LIPK: variants seen among roughly 807,000 people sequenced by gnomAD.
LIPK encodes the protein lipase family member K.
In LIPK, 32 loss-of-function variants were observed where a neutral mutation model predicts 48.6. The observed-to-expected ratio is 0.66, with a 90% CI of 0.50 to 0.88. The LOEUF (loss-of-function observed/expected upper bound fraction) is 0.88, where lower values mean the gene tolerates loss of function less well. Among genes scored for constraint, LIPK ranks in the 40% least tolerant of loss-of-function variants. The probability of loss-of-function intolerance (pLI) is 0.00; values close to 1 mark genes in which losing one functional copy is unlikely to be tolerated. For synonymous variants in LIPK, 164 were observed against 157.4 expected (o/e 1.04, Z -0.32); for missense variants, 507 against 478.5 (o/e 1.06, Z -0.56).
Position 88,737,542 on chromosome 10 carries a change from C to T in LIPK, c.670-93C>T. ...AGGACCAACACTGAGCAGATGTCAC[C>T]TAATACTGTGCAGTCCTTCTTTGAA... On this transcript the variant is annotated intron_variant, in intron 6 of 9. Coordinates refer to ENST00000404190, the MANE Select transcript of LIPK (RefSeq NM_001080518.2). 6.8e-6 allele frequency: 9 copies of T among 1,320,308 alleles called. No homozygotes were observed. In the Admixed American group the frequency reaches 7.4e-5, roughly 11 times the overall value. The allele number at this position is 1,320,308 out of a possible 1,614,324, so 81.8% of individuals were successfully genotyped here.
chr10:88,729,895 GAA>G (rs1245462254), intron 3 of LIPK, among the ~76,000 whole-genome samples: 3 of 152,150 alleles, frequency 2.0e-5, no homozygotes, highest in Non-Finnish European at 4.4e-5. Flanking sequence ...TAAAGCACAG[GAA>G]AAGTCTAGTC....
At chr10:88,707,939 T>C (rs1841965177) in intron 1 of LIPK, among the ~76,000 whole-genome samples, 1 of 152,160 alleles carries the variant, frequency 6.6e-6, no homozygotes, top group Non-Finnish European at 1.5e-5. Context: ...TTATGAAGGA[T>C]GCTGAGGTAG....
At chr10:88,725,672 C>G (rs1011068569) in intron 2 of LIPK, among the ~76,000 whole-genome samples, 4 of 152,244 alleles carry the variant, frequency 2.6e-5, no homozygotes, top group Non-Finnish European at 4.4e-5. Context: ...GTTCTCTCAA[C>G]TGTAAATGGT....
rs529709755 is a variant in LIPK at position 88,713,313 on chromosome 10, T to C, written c.-12+6993T>C. On this transcript the variant is annotated intron_variant, in intron 1 of 9. Coordinates refer to ENST00000404190, the MANE Select transcript of LIPK (RefSeq NM_001080518.2). ...AAATCACTTTTTAAAGTCAACGCCA[T>C]ATAGTTATTTCCAATTGTTATTATA... Among the ~76,000 whole-genome samples, 3 of 152,326 alleles carry C rather than the reference T, an allele frequency of 2.0e-5. No individual in the cohort carries two copies. In the South Asian group the frequency reaches 6.2e-4, roughly 32 times the overall value.
At chr10:88,728,086 G>C (rs1842381316) in intron 3 of LIPK, 1 of 292,018 alleles carries the variant, frequency 3.4e-6, no homozygotes, top group Non-Finnish European at 6.9e-6. Flanking sequence ...TATAGAGATG[G>C]AGAATGAATT....
Position 88,748,041 on chromosome 10 carries a change from A to G in LIPK, c.961-4476A>G, listed in dbSNP as rs184127737. Among the ~76,000 whole-genome samples, 312 of 152,360 alleles carry G rather than the reference A, an allele frequency of 2.0e-3. 1 individual carries two copies. Among genetic ancestry groups the G allele is most frequent in the African/African-American group, 6.4e-3 (268 of 41,598 alleles). ...ATCAATAATAGACTGGATAAAGAAT[A>G]TGTGGTACATATGCACCATGGAATA... On this transcript the variant is annotated intron_variant, in intron 9 of 9. Coordinates refer to ENST00000404190, the MANE Select transcript of LIPK (RefSeq NM_001080518.2).
At chr10:88,729,652 G>A (rs1013444596) in intron 3 of LIPK, among the ~76,000 whole-genome samples, 4 of 152,184 alleles carry the variant, frequency 2.6e-5, no homozygotes, top group African/African-American at 9.7e-5. Flanking sequence ...GATCAAAGAG[G>A]CCTGATGGTA....
chr10:88,737,506 T>C (rs779047297), intron 6 of LIPK, 129 bp from the exon 7 acceptor site: 259 of 896,166 alleles, frequency 2.9e-4, no homozygotes, highest in Non-Finnish European at 4.1e-4. Context: ...ACAAGCCTCA[T>C]GATTTCACTA....
Position 88,708,822 on chromosome 10 carries a change from T to C in LIPK, c.-12+2502T>C, listed in dbSNP as rs1841979262. ...ATATTCCTACAAATATATTTTAATA[T>C]AACATATTTGTGTTATTATTTCTTT... On this transcript the variant is annotated intron_variant, in intron 1 of 9. Transcript: ENST00000404190. 2.0e-5 allele frequency among the ~76,000 whole-genome samples: 3 copies of C among 152,148 alleles called. No individual in the cohort carries two copies. In the South Asian group the frequency reaches 6.2e-4, roughly 31 times the overall value.
Position 88,741,761 on chromosome 10 carries a change from C to A in LIPK, c.889-1489C>A, listed in dbSNP as rs1406560477. On this transcript the variant is annotated intron_variant, in intron 8 of 9. Transcript: ENST00000404190. ...GTGCTACATGCTTTATAGGTGTTAACATAATCTTCACAATCCTAAGAAAGA... is the reference window on the plus strand; with the variant it reads ...GTGCTACATGCTTTATAGGTGTTAAAATAATCTTCACAATCCTAAGAAAGA... Among the ~76,000 whole-genome samples the A allele has an allele frequency of 2.0e-5, 3 of 152,222 alleles. No homozygotes were observed. In the South Asian group the frequency reaches 6.2e-4, roughly 32 times the overall value.
At position 88,740,000 on chromosome 10, in the gene LIPK, G is replaced by A. The variant is rs777771067; in HGVS notation, c.821G>A (p.Arg274His). The change falls in exon 8 of 10, where the codon CGC (arginine) becomes CAC (histidine). Residue 274 changes from arginine to histidine, a missense_variant. Physicochemically the swap from Arg to His is conservative, Grantham distance 29. Transcript: ENST00000404190. ...GFDPQNLNMSRLDVYLSHNPA... is the reference protein window; with the variant it reads ...GFDPQNLNMSHLDVYLSHNPA... ...TGAGAAGTAATCTCTTTGCAGAGTC[G>A]CTTGGATGTTTATTTGTCACACAAT... 19 of 1,610,786 alleles carry A rather than the reference G, an allele frequency of 1.2e-5. No homozygotes were observed. Among genetic ancestry groups the A allele is most frequent in the African/African-American group, 2.7e-5 (2 of 74,834 alleles).
At position 88,732,509 on chromosome 10, in the gene LIPK, T is replaced by TATGAAAAA; in HGVS notation, c.627_628insATGAAAAA (p.Pro210MetfsTer5). The TATGAAAAA allele has an allele frequency of 6.2e-7, 1 of 1,612,752 alleles. No individual in the cohort carries two copies. ...TTGTCACAGTTAAATACACCCAAAGTCCTATGAAAAAACTAACAACCCTTT... is the reference window on the plus strand; with the variant it reads ...TTGTCACAGTTAAATACACCCAAAGTATGAAAAACCTATGAAAAAACTAACAACCCTTT... On this transcript the variant is annotated frameshift_variant, in exon 6 of 10. Transcript: ENST00000404190. LOFTEE classifies it high-confidence loss of function.
chr10:88,736,584 G>C (rs1769694), intron 6 of LIPK, among the ~76,000 whole-genome samples: 27,410 of 152,038 alleles, frequency 0.18, 2,947 homozygotes, highest in East Asian at 0.35. Flanking sequence ...GACTTTAACC[G>C]GTAAACAAAT....
At chr10:88,732,364 T>TTATTTCA in intron 5 of LIPK, 51 bp from the exon 6 acceptor site, 1 of 1,596,264 alleles carries the variant, frequency 6.3e-7, no homozygotes, top group Non-Finnish European at 8.5e-7. Flanking sequence ...CAACTTAAAA[T>TTATTTCA]GAACAAATAA....
At position 88,742,731 on chromosome 10, in the gene LIPK, G is replaced by A. The variant is rs547100700; in HGVS notation, c.889-519G>A. 2.8e-4 allele frequency among the ~76,000 whole-genome samples: 42 copies of A among 151,382 alleles called. No homozygotes were observed. The South Asian group carries it at 8.9e-3, about 32-fold the overall frequency. ...AGCCATGTACCTTACACAGAACTGC[G>A]GAAGCTCAGTGGGTGAATATTTCTT... On this transcript the variant is annotated intron_variant, in intron 8 of 9. Transcript: ENST00000404190.
rs1411481372 is a variant in LIPK, at chr10:88,731,159, T to C, written c.400T>C (p.Ser134Pro). 3.2e-6 allele frequency: 5 copies of C among 1,581,742 alleles called. No individual in the cohort carries two copies. The highest frequency in any genetic ancestry group is 3.4e-6 in the Non-Finnish European group (4 of 1,166,648). Reference protein sequence around the residue: ...SRKHLKLSPKSPEYWAFSLDE... With the variant: ...SRKHLKLSPKPPEYWAFSLDE... ...AAAACACCTTAAATTGTCACCGAAA[T>C]CACCGGAATACTGGGCCTTCAGGTA... Residue 134 changes from serine (S) to proline (P), a missense_variant, in exon 4 of 10, where the codon TCA (serine) becomes CCA (proline). By Grantham distance (74) the Ser-to-Pro change is moderately conservative. Coordinates refer to ENST00000404190, the MANE Select transcript of LIPK (RefSeq NM_001080518.2).
chr10:88,743,284 G>T lies in LIPK; in HGVS notation c.923G>T (p.Trp308Leu). ...TCTGGTCAGCTCCAAGCTTTTGATT[G>T]GGGAAACTCTGATCAGAACATGATG... is the stretch of plus-strand genomic sequence containing the variant. ...VNSGQLQAFD[W>L]GNSDQNMMHF... The change falls in exon 9 of 10, where the codon TGG becomes TTG. Residue 308 changes from tryptophan to leucine, a missense_variant. Trp to Leu is a moderately conservative substitution (Grantham distance 61). Transcript: ENST00000404190. 6.3e-7 allele frequency: 1 copy of T among 1,593,622 alleles called. No homozygotes were observed. The highest frequency in any genetic ancestry group is 8.6e-7 in the Non-Finnish European group (1 of 1,168,320).
chr10:88,724,256 T>C (rs1362206175), intron 1 of LIPK, among the ~76,000 whole-genome samples: 1 of 152,248 alleles, frequency 6.6e-6, no homozygotes, highest in Non-Finnish European at 1.5e-5. Flanking sequence ...CCCTCTTTTG[T>C]CCAGTTATCT....
At chr10:88,743,112 T>C in intron 8 of LIPK, 138 bp from the exon 9 acceptor site, 1 of 559,308 alleles carries the variant, frequency 1.8e-6, no homozygotes, top group Non-Finnish European at 3.2e-6. Context: ...TTACTTATTT[T>C]CTTAATCTTT....
Sources: allele counts gnomAD v4.1 joint callset (sites outside exome capture counted in the v4.1 genomes callset), GRCh38; gene constraint gnomAD v4.1.1; transcripts MANE v1.5; gene names NCBI Gene and HGNC (gene_info 2026-07-23, HGNC 2026-07-21).